Variants in SMARCE1 observed in about 807,000 individuals in gnomAD.
SMARCE1 encodes the protein SWI/SNF-related matrix-associated actin-dependent regulator of chromatin subfamily E member 1.
A neutral mutation model predicts 54.9 loss-of-function variants in SMARCE1; 13 were observed. The observed-to-expected ratio is 0.24, with a 90% CI of 0.15 to 0.38. The LOEUF is 0.38. Ranked by LOEUF, SMARCE1 falls within the 10% of genes least tolerant of loss-of-function variation. The probability of loss-of-function intolerance (pLI) is 1.00; values close to 1 mark genes in which losing one functional copy is unlikely to be tolerated. For missense variants in SMARCE1, 295 were observed against 523.8 expected, an observed-to-expected ratio of 0.56 and a Z score of 4.26; for synonymous variants, 151 against 175.3, an observed-to-expected ratio of 0.86 and a Z score of 1.10.
intron 10 of SMARCE1, 69 bp downstream of exon 10, chr17:40,630,645 A>C: frequency 1.5e-6 from 2 of 1,347,012 alleles, no homozygotes; most frequent in South Asian, 2.4e-5. Flanking sequence ...ACTTAGAAAG[A>C]AAAACCTAAA....
intron 3 of SMARCE1, chr17:40,643,807 G>C (rs968833255): frequency 1.3e-5 from 2 of 152,176 alleles, no homozygotes; most frequent in African/African-American, 2.4e-5. Context: ...ATACTCTTTA[G>C]GAGAAAAGAG....
In SMARCE1 at chr17:40,630,791, C is replaced by CT; in HGVS notation, c.949dup (p.Ser317LysfsTer5). On this transcript the variant is annotated frameshift_variant, in exon 10 of 11. Coordinates refer to ENST00000348513, the MANE Select transcript of SMARCE1 (RefSeq NM_003079.5). LOFTEE classifies it high-confidence loss of function. ...TGCTTGTTCTTCCTCAGGAACGATG[C>CT]TGCTCTGACTGCGCTCAGCTTGCTC... The CT allele has an allele frequency of 6.2e-7, 1 of 1,614,116 alleles. No homozygotes were observed. Among genetic ancestry groups the CT allele is most frequent in the Non-Finnish European group, 8.5e-7 (1 of 1,180,022 alleles).
intron 1 of SMARCE1, among the ~76,000 whole-genome samples, chr17:40,646,715 C>T (rs775161467): frequency 1.2e-4 from 19 of 152,018 alleles, no homozygotes; most frequent in Non-Finnish European, 2.6e-4. Context: ...TAGTGAGGTA[C>T]AAAAAGACAA....
intron 10 of SMARCE1, chr17:40,629,811 C>A: frequency 5.2e-6 from 2 of 384,988 alleles, no homozygotes; most frequent in Non-Finnish European, 9.2e-6. Context: ...TGCTCATGCT[C>A]CAAATTCATT....
Position 40,632,378 on chromosome 17 carries a change from C to T in SMARCE1, c.542-11G>A, listed in dbSNP as rs777566198. 15 of 1,611,098 alleles carry T rather than the reference C, an allele frequency of 9.3e-6. No individual in the cohort carries two copies. In the Middle Eastern group the frequency reaches 8.3e-4, roughly 89 times the overall value. ...AGCCATCATCATAATCTGGAGTGAA[C>T]AAATTGTTCTGGAAATCAGGTCACC... On this transcript the variant is annotated splice_polypyrimidine_tract_variant and intron_variant, in intron 7 of 10. Coordinates refer to ENST00000348513, the MANE Select transcript of SMARCE1 (RefSeq NM_003079.5).
At chr17:40,641,728 T>A (rs750281810) in intron 4 of SMARCE1, 3 of 152,184 alleles carry the variant, frequency 2.0e-5, no homozygotes, top group Non-Finnish European at 4.4e-5. Flanking sequence ...TTAAGATGAT[T>A]CTAAACTAAA....
chr17:40,641,850 G>A (rs2037202849), intron 4 of SMARCE1: 1 of 152,534 alleles, frequency 6.6e-6, no homozygotes, highest in South Asian at 2.1e-4. Context: ...TGCACTTCTC[G>A]TTGTACATAT....
Position 40,632,384 on chromosome 17 carries a change from G to C in SMARCE1, c.542-17C>G, listed in dbSNP as rs1319427632. 1 of 1,609,530 alleles carries C rather than the reference G, an allele frequency of 6.2e-7. No individual in the cohort carries two copies. The highest frequency in any genetic ancestry group is 1.3e-5 in the African/African-American group (1 of 74,714). On this transcript the variant is annotated splice_polypyrimidine_tract_variant and intron_variant, in intron 7 of 10. Transcript: ENST00000348513. ...CATCATAATCTGGAGTGAACAAATTGTTCTGGAAATCAGGTCACCAGTAAC... is the reference window on the plus strand; with the variant it reads ...CATCATAATCTGGAGTGAACAAATTCTTCTGGAAATCAGGTCACCAGTAAC...
chr17:40,642,462 C>T lies in SMARCE1; in HGVS notation c.149G>A (p.Arg50Gln), dbSNP rs1060501394. The change falls in exon 4 of 11, where the codon CGG becomes CAG. Residue 50 changes from arginine to glutamine, a missense_variant. Physicochemically the swap from Arg to Gln is conservative, Grantham distance 43 (BLOSUM62 1). Around this residue, in one of 5 missense-constraint regions of SMARCE1, gnomAD observed 30 missense variants for 91.3 expected, o/e 0.33. Transcript: ENST00000348513. This position sits in a 1 kb window ranked among gnomAD's most constrained non-coding sequence, Gnocchi z 4.6. The part of the protein sequence containing the change: ...RLGGNPGTNS[R>Q]VTASSGITIP... Reference sequence around the variant, plus strand: ...AATAGTTGATTCTCCTACCGTGACCCGGCTGTTGGTGCCCGGGTTCCCTCC... The same window carrying T: ...AATAGTTGATTCTCCTACCGTGACCTGGCTGTTGGTGCCCGGGTTCCCTCC... 3.8e-6 allele frequency: 6 copies of T among 1,591,314 alleles called. No homozygotes were observed. Among genetic ancestry groups the T allele is most frequent in the Non-Finnish European group, 4.3e-6 (5 of 1,159,538 alleles).
intron 4 of SMARCE1, chr17:40,641,546 A>G (rs2037200162): frequency 6.6e-6 from 1 of 152,200 alleles, no homozygotes; most frequent in African/African-American, 2.4e-5. Flanking sequence ...GTTATTTATG[A>G]ATACAGCAAA....
In SMARCE1 at chr17:40,637,422, A is replaced by G. The variant is rs916368120; in HGVS notation, c.237+70T>C. On this transcript the variant is annotated intron_variant, in intron 5 of 10. Coordinates refer to ENST00000348513, the MANE Select transcript of SMARCE1 (RefSeq NM_003079.5). ...ACAGAAAAGCTGGCTAAGCCGATCT[A>G]AAGTTGGATGTTAAGCAAAGAAGCA... 15 of 1,234,684 alleles carry G rather than the reference A, an allele frequency of 1.2e-5. No homozygotes were observed. In the African/African-American group the frequency reaches 1.8e-4, roughly 15 times the overall value. The allele number at this position is 1,234,684 out of a possible 1,614,324, so 76.5% of individuals were successfully genotyped here.
rs981724755 is a variant in SMARCE1, at chr17:40,627,503, C to T, written c.*1282G>A. On this transcript the variant is annotated 3_prime_UTR_variant, in exon 11 of 11. Transcript: ENST00000348513. ...GACCAACTTCCATATGTGACAATGA[C>T]TATAATGTAAGAAAACTGATTTTCA... 6.6e-6 allele frequency: 1 copy of T among 152,180 alleles called. No homozygotes were observed. The highest frequency in any genetic ancestry group is 1.5e-5 in the Non-Finnish European group (1 of 68,034). 9.4% of individuals were successfully genotyped at this position (152,180 alleles called of 1,614,324 possible).
chr17:40,628,849 C>T lies in SMARCE1; in HGVS notation c.1172G>A (p.Ser391Asn), dbSNP rs1298633600. 3 of 1,613,858 alleles carry T rather than the reference C, an allele frequency of 1.9e-6. No individual in the cohort carries two copies. Among genetic ancestry groups the T allele is most frequent in the Non-Finnish European group, 2.5e-6 (3 of 1,179,822 alleles). The change falls in exon 11 of 11, where the codon AGC becomes AAC. Residue 391 changes from serine (S) to asparagine (N), a missense_variant. Around this residue, in one of 5 missense-constraint regions of SMARCE1, gnomAD observed 147 missense variants for 161.4 expected, o/e 0.91. Coordinates refer to ENST00000348513, the MANE Select transcript of SMARCE1 (RefSeq NM_003079.5). ...TGGCTCCTCCACTGTTGCACTGTTG[C>T]TCTCCGAGCCAGTGTTACTATCACT... ...GTSDSNTGSE[S>N]NSATVEEPPT...
rs923060820 is a variant in SMARCE1 at position 40,630,571 on chromosome 17, T to C, written c.1027+143A>G. 1.7e-5 allele frequency: 12 copies of C among 706,280 alleles called. No homozygotes were observed. The Admixed American group carries it at 2.7e-4, about 16-fold the overall frequency. 43.8% of individuals were successfully genotyped at this position (706,280 alleles called of 1,614,324 possible). On this transcript the variant is annotated intron_variant, in intron 10 of 10. Coordinates refer to ENST00000348513, the MANE Select transcript of SMARCE1 (RefSeq NM_003079.5). ...AGCATTTAAAGGTTAAAATACTGAA[T>C]GTCAATATCATGTCAAATTTAGTAC... is the stretch of plus-strand genomic sequence containing the variant.
rs1407315932 is a variant in SMARCE1 at position 40,627,412 on chromosome 17, A to C, written c.*1373T>G. ...TAGCCATTCTTTCAAAGATAATTCA[A>C]ACGTTACAGATTTCTCCATATTCCT... On this transcript the variant is annotated 3_prime_UTR_variant, in exon 11 of 11. Coordinates refer to ENST00000348513, the MANE Select transcript of SMARCE1 (RefSeq NM_003079.5). 1 of 152,224 alleles carries C rather than the reference A, an allele frequency of 6.6e-6. No individual in the cohort carries two copies. Among genetic ancestry groups the C allele is most frequent in the Non-Finnish European group, 1.5e-5 (1 of 68,030 alleles). The allele number at this position is 152,224 out of a possible 1,614,324, so 9.4% of individuals were successfully genotyped here. A position where few individuals can be genotyped will look rare whatever the true frequency, so the allele number is the denominator to read the frequency against.
chr17:40,640,467 G>A (rs1456487629), intron 4 of SMARCE1: 1 of 152,146 alleles, frequency 6.6e-6, no homozygotes, highest in East Asian at 1.9e-4. Context: ...TACTGGACAG[G>A]GCTTCACAGA....
Position 40,640,754 on chromosome 17 carries a change from C to T in SMARCE1, c.156+1701G>A, listed in dbSNP as rs536158303. The stretch of plus-strand genomic sequence containing the variant: ...GAGGACAATAATACAAAGTAAATGT[C>T]CACAAAGGACCAAAACACCAAATTT... On this transcript the variant is annotated intron_variant, in intron 4 of 10. Coordinates refer to ENST00000348513, the MANE Select transcript of SMARCE1 (RefSeq NM_003079.5). The T allele has an allele frequency of 5.9e-5, 9 of 152,274 alleles. No homozygotes were observed. In the South Asian group the frequency reaches 1.9e-3, roughly 32 times the overall value. 9.4% of individuals were successfully genotyped at this position (152,274 alleles called of 1,614,324 possible). A position where few individuals can be genotyped will look rare whatever the true frequency, so the allele number is the denominator to read the frequency against.
At position 40,627,879 on chromosome 17, in the gene SMARCE1, G is replaced by A. The variant is rs573409803; in HGVS notation, c.*906C>T. 1.3e-5 allele frequency: 2 copies of A among 152,664 alleles called. No homozygotes were observed. Among genetic ancestry groups the A allele is most frequent in the Admixed American group, 6.5e-5 (1 of 15,298 alleles). 9.5% of individuals were successfully genotyped at this position (152,664 alleles called of 1,614,324 possible). A position where few individuals can be genotyped will look rare whatever the true frequency, so the allele number is the denominator to read the frequency against. On this transcript the variant is annotated 3_prime_UTR_variant, in exon 11 of 11. Transcript: ENST00000348513. Reference sequence around the variant, plus strand: ...TAAGTTTATCAAAAAGGTGGGCTCTGGTCTATGGGATCCTGAGCCTTGAGG... The same window carrying A: ...TAAGTTTATCAAAAAGGTGGGCTCTAGTCTATGGGATCCTGAGCCTTGAGG...
rs2037210893 is a variant in SMARCE1, at chr17:40,642,677, A to G, written c.52-118T>C. On this transcript the variant is annotated intron_variant, in intron 3 of 10. Transcript: ENST00000348513. The surrounding 1 kb of genome is among the most constrained non-coding windows in gnomAD (Gnocchi z 4.6). ...AAAGCAACCTGAATTTAAACAAGCAATGATGTGTTGTAATTGTTCTTTTTT... is the reference window on the plus strand; with the variant it reads ...AAAGCAACCTGAATTTAAACAAGCAGTGATGTGTTGTAATTGTTCTTTTTT... 1.5e-6 allele frequency: 1 copy of G among 657,540 alleles called. No homozygotes were observed. Among genetic ancestry groups the G allele is most frequent in the Non-Finnish European group, 2.7e-6 (1 of 369,702 alleles). 40.7% of individuals were successfully genotyped at this position (657,540 alleles called of 1,614,324 possible).
Sources: allele counts gnomAD v4.1 joint callset (sites outside exome capture counted in the v4.1 genomes callset), GRCh38; gene constraint gnomAD v4.1.1; regional missense constraint gnomAD v4.1.1; non-coding constraint Gnocchi (gnomAD v3.1); transcripts MANE v1.5; gene names NCBI Gene and HGNC (gene_info 2026-07-23, HGNC 2026-07-21).